Variants in PRKCE observed in about 807,000 individuals in gnomAD.
PRKCE encodes the protein protein kinase C epsilon type.
PRKCE carries 16 observed loss-of-function variants against 85.4 expected under a neutral mutation model. That is an observed-to-expected ratio of 0.19 (90% CI 0.13 to 0.28). PRKCE has a LOEUF of 0.28. Among genes scored for constraint, PRKCE ranks in the 10% least tolerant of loss-of-function variants. The pLI is 1.00. For missense variants in PRKCE, 573 were observed against 975.2 expected, an observed-to-expected ratio of 0.59 and a Z score of 5.49; for synonymous variants, 388 against 371.5, an observed-to-expected ratio of 1.04 and a Z score of -0.51.
chr2:45,723,210 A>G (rs535302269), intron 1 of PRKCE, among the ~76,000 whole-genome samples: 13 of 148,530 alleles, frequency 8.8e-5, no homozygotes, highest in South Asian at 2.1e-4. Context: ...TTCAGTCCAC[A>G]TGGTTTACAC....
In PRKCE at chr2:45,941,065, TA is replaced by T. The variant is rs397781944; in HGVS notation, c.413-35342del. 1.1e-3 allele frequency among the ~76,000 whole-genome samples: 76 copies of T among 67,160 alleles called. 1 individual carries two copies. The highest frequency in any genetic ancestry group is 7.1e-3 in the Middle Eastern group (1 of 140). 44.1% of individuals were successfully genotyped at this position (67,160 alleles called of 152,430 possible). A position where few individuals can be genotyped will look rare whatever the true frequency, so the allele number is the denominator to read the frequency against. On this transcript the variant is annotated intron_variant, in intron 2 of 14. Coordinates refer to ENST00000306156, the MANE Select transcript of PRKCE (RefSeq NM_005400.3). ...TGGGTGACAGAGTGAGACTTCATCC[TA>T]AAAAAAAAAAAAAAAAAAAAAGATG...
intron 2 of PRKCE, among the ~76,000 whole-genome samples, chr2:45,861,232 A>G (rs1014463527): frequency 2.2e-4 from 33 of 151,964 alleles, no homozygotes; most frequent in African/African-American, 7.7e-4. Context: ...GAGGCTAGAG[A>G]CTAATTTGGT....
intron 1 of PRKCE, among the ~76,000 whole-genome samples, chr2:45,713,914 AC>A (rs1275939600): frequency 3.9e-5 from 6 of 152,210 alleles, no homozygotes; most frequent in African/African-American, 1.4e-4. Flanking sequence ...TGGTTTGCAA[AC>A]TTTTGCATTT....
intron 1 of PRKCE, among the ~76,000 whole-genome samples, chr2:45,820,897 AC>A (rs1296907202): frequency 1.4e-5 from 2 of 144,990 alleles, no homozygotes; most frequent in East Asian, 4.3e-4. Flanking sequence ...CCCCCTTCCC[AC>A]CCCCCAGCAT....
chr2:46,104,393 A>G (rs1162289318), intron 11 of PRKCE, among the ~76,000 whole-genome samples: 1 of 150,860 alleles, frequency 6.6e-6, no homozygotes, highest in African/African-American at 2.4e-5. Flanking sequence ...ACATCTCAAA[A>G]GTTTTCTCCT....
chr2:46,156,548 A>G (rs1677223166), intron 13 of PRKCE, among the ~76,000 whole-genome samples: 1 of 152,214 alleles, frequency 6.6e-6, no homozygotes, highest in Non-Finnish European at 1.5e-5. Context: ...ATTTTCACCG[A>G]TGAGTACAGG....
In PRKCE at chr2:46,015,691, CAA is replaced by C. The variant is rs749060776; in HGVS notation, c.1437+5195_1437+5196del. ...ACTCTGAAGAACAGAAACACTAAAC[CAA>C]AAAAAAAAAAAAAAAAAAAACGAAG... On this transcript the variant is annotated intron_variant, in intron 10 of 14. Coordinates refer to ENST00000306156, the MANE Select transcript of PRKCE (RefSeq NM_005400.3). 7.0e-3 allele frequency among the ~76,000 whole-genome samples: 569 copies of C among 80,794 alleles called. 7 individuals are homozygous for C. The highest frequency in any genetic ancestry group is 0.021 in the African/African-American group (461 of 21,950). The allele number at this position is 80,794 out of a possible 152,430, so 53.0% of individuals were successfully genotyped here.
intron 10 of PRKCE, chr2:46,010,913 A>G: frequency 6.9e-7 from 1 of 1,451,484 alleles, no homozygotes; most frequent in Non-Finnish European, 9.0e-7. Context: ...GGCCACCTTA[A>G]TCTCTTCTAA....
At chr2:46,149,765 T>C (rs1676430571) in intron 12 of PRKCE, among the ~76,000 whole-genome samples, 1 of 150,428 alleles carries the variant, frequency 6.6e-6, no homozygotes, top group Non-Finnish European at 1.5e-5. Context: ...GTCATTGACA[T>C]GCTACATATT....
intron 6 of PRKCE, among the ~76,000 whole-genome samples, chr2:45,986,537 A>G (rs1189352856): frequency 6.6e-6 from 1 of 152,182 alleles, no homozygotes; most frequent in Non-Finnish European, 1.5e-5. Flanking sequence ...ATAGAAATCC[A>G]GGAGGAGGTG....
intron 10 of PRKCE, among the ~76,000 whole-genome samples, chr2:46,021,621 G>A (rs1028422151): frequency 2.7e-5 from 4 of 150,918 alleles, no homozygotes; most frequent in African/African-American, 9.8e-5. Flanking sequence ...GTTGCAGCAG[G>A]TGATCTACAC....
chr2:46,114,342 C>G (rs1163278493), intron 11 of PRKCE, among the ~76,000 whole-genome samples: 1 of 150,736 alleles, frequency 6.6e-6, no homozygotes, highest in East Asian at 2.0e-4. Flanking sequence ...TTACAGTCTT[C>G]CCAGAGATTG....
At chr2:46,133,608 C>G (rs1273934718) in intron 11 of PRKCE, among the ~76,000 whole-genome samples, 1 of 152,164 alleles carries the variant, frequency 6.6e-6, no homozygotes, top group Non-Finnish European at 1.5e-5. Context: ...CATAGAGACC[C>G]TGCCCATCAT....
intron 2 of PRKCE, among the ~76,000 whole-genome samples, chr2:45,892,514 A>G (rs1364864032): frequency 1.3e-5 from 2 of 152,030 alleles, no homozygotes; most frequent in Non-Finnish European, 2.9e-5. Context: ...GGCAAGCTGG[A>G]GTGAGGGAGG....
chr2:46,153,371 A>G (rs1162512759), intron 13 of PRKCE, among the ~76,000 whole-genome samples: 6 of 152,198 alleles, frequency 3.9e-5, no homozygotes, highest in Admixed American at 3.9e-4. Context: ...CGCTGGTGAT[A>G]CAAACAACAC....
At chr2:45,736,269 C>T (rs771359258) in intron 1 of PRKCE, among the ~76,000 whole-genome samples, 1 of 152,106 alleles carries the variant, frequency 6.6e-6, no homozygotes, top group Non-Finnish European at 1.5e-5. Flanking sequence ...CCGACATACA[C>T]ATTTTTATTC....
At chr2:45,890,043 T>C (rs1032996078) in intron 2 of PRKCE, among the ~76,000 whole-genome samples, 5 of 152,242 alleles carry the variant, frequency 3.3e-5, no homozygotes, top group African/African-American at 1.2e-4. Flanking sequence ...TACATGGAGC[T>C]CAGTGCTTAC....
chr2:45,791,703 CA>C (rs1687043734), intron 1 of PRKCE, among the ~76,000 whole-genome samples: 1 of 152,194 alleles, frequency 6.6e-6, no homozygotes, highest in African/African-American at 2.4e-5. Context: ...TCCTTAAAGA[CA>C]GCCTTTCCTT....
chr2:45,894,878 G>A (rs1696014908), intron 2 of PRKCE, among the ~76,000 whole-genome samples: 2 of 152,176 alleles, frequency 1.3e-5, no homozygotes, highest in South Asian at 4.1e-4. Flanking sequence ...GCCCACCACT[G>A]CGCCTGGCTA....
Sources: allele counts gnomAD v4.1 joint callset (sites outside exome capture counted in the v4.1 genomes callset), GRCh38; gene constraint gnomAD v4.1.1; transcripts MANE v1.5; gene names NCBI Gene and HGNC (gene_info 2026-07-23, HGNC 2026-07-21).